PCDHA3: variants seen among roughly 807,000 people sequenced by gnomAD.
PCDHA3 encodes protocadherin alpha 3.
Under a neutral mutation model 62.2 loss-of-function variants are expected in PCDHA3, and 41 were observed. The observed-to-expected ratio is 0.66, with a 90% CI of 0.51 to 0.86. The LOEUF is 0.86. Ranked by LOEUF, PCDHA3 falls within the 40% of genes least tolerant of loss-of-function variation. PCDHA3 has a pLI of 0.00. For missense variants in PCDHA3, 1,304 were observed against 1,241.2 expected, an observed-to-expected ratio of 1.05 and a Z score of -0.76; for synonymous variants, 640 against 555.4, an observed-to-expected ratio of 1.15 and a Z score of -2.14.
chr5:140,813,492 A>G (rs939104206), intron 1 of PCDHA3: 1 of 152,216 alleles, frequency 6.6e-6, no homozygotes, highest in Non-Finnish European at 1.5e-5. Flanking sequence ...TAAACATCTA[A>G]AAGGTACAGT....
intron 1 of PCDHA3, among the ~76,000 whole-genome samples, chr5:140,911,493 A>G (rs1157677496): frequency 6.6e-6 from 1 of 152,168 alleles, no homozygotes; most frequent in African/African-American, 2.4e-5. Context: ...CAATCTTAGC[A>G]GGTTTGAGGT....
At chr5:140,827,439 C>T (rs1581843198) in intron 1 of PCDHA3, among the ~76,000 whole-genome samples, 1 of 152,282 alleles carries the variant, frequency 6.6e-6, no homozygotes, top group South Asian at 2.1e-4. Flanking sequence ...TCCATCATTA[C>T]ACAGAAGAAC....
chr5:140,924,942 GT>G (rs1180985667), intron 1 of PCDHA3, among the ~76,000 whole-genome samples: 3 of 120,862 alleles, frequency 2.5e-5, no homozygotes, highest in African/African-American at 8.7e-5. Context: ...AAAATAAAAA[GT>G]TAAAAAAAAA....
rs1007708043 is a variant in PCDHA3 at position 140,967,271 on chromosome 5, A to G, written c.2395-11678A>G. 3.1e-6 allele frequency: 5 copies of G among 1,613,338 alleles called. No individual in the cohort carries two copies. The South Asian group carries it at 5.5e-5, about 18-fold the overall frequency. On this transcript the variant is annotated intron_variant, in intron 1 of 3. Transcript: ENST00000522353. The stretch of plus-strand genomic sequence containing the variant: ...GGTGGCGCCTGGAGCGCGCTTTCAC[A>G]TAGAGAGTGCGCAGGACCCCGACGT...
At chr5:140,864,927 G>T (rs2048656466) in intron 1 of PCDHA3, 1 of 152,138 alleles carries the variant, frequency 6.6e-6, no homozygotes, top group Non-Finnish European at 1.5e-5. Flanking sequence ...GCTTGGCAGG[G>T]TGTCTCAGGC....
At position 140,829,844 on chromosome 5, in the gene PCDHA3, C is replaced by A. The variant is rs2150175965; in HGVS notation, c.2394+26253C>A. The A allele has an allele frequency of 1.9e-6, 3 of 1,613,922 alleles. No individual in the cohort carries two copies. The Admixed American group carries it at 5.0e-5, about 27-fold the overall frequency. ...AGTGAGCGAGCTGGTGCCGCGGTCA[C>A]TGGGTGCAGGCCAAGTGGTGGCGAA... On this transcript the variant is annotated intron_variant, in intron 1 of 3. Transcript: ENST00000522353.
chr5:140,966,047 T>G (rs1463127286), intron 1 of PCDHA3, among the ~76,000 whole-genome samples: 1 of 152,214 alleles, frequency 6.6e-6, no homozygotes, highest in Admixed American at 6.5e-5. Flanking sequence ...CCATCGCCAG[T>G]AACCCCAGAG....
chr5:141,008,147 G>A (rs782783615), intron 3 of PCDHA3, among the ~76,000 whole-genome samples: 9 of 152,114 alleles, frequency 5.9e-5, no homozygotes, highest in Non-Finnish European at 1.3e-4. Context: ...CTGCTGAGAG[G>A]TTTGATAAGA....
chr5:140,854,159 C>CAAAA (rs59855104), intron 1 of PCDHA3: 33,814 of 339,152 alleles, frequency 0.1, 739 homozygotes, highest in Middle Eastern at 0.12. Flanking sequence ...GATTCTGTCT[C>CAAAA]AAAAAAAAAA....
intron 1 of PCDHA3, chr5:140,863,320 CT>C: frequency 6.9e-7 from 1 of 1,445,292 alleles, no homozygotes; most frequent in South Asian, 1.1e-5. Flanking sequence ...GGTGTCCAGC[CT>C]GTTAGTGCTC....
chr5:140,911,477 T>A (rs1457881834), intron 1 of PCDHA3, among the ~76,000 whole-genome samples: 2 of 152,132 alleles, frequency 1.3e-5, no homozygotes, highest in Non-Finnish European at 2.9e-5. Context: ...AGACTCTCAC[T>A]CAGGGCAATC....
chr5:140,877,260 G>A (rs1329010026), intron 1 of PCDHA3: 3 of 1,613,766 alleles, frequency 1.9e-6, no homozygotes, highest in African/African-American at 2.7e-5. Context: ...AAGTGCGCGC[G>A]GTGGACGCTG....
intron 1 of PCDHA3, chr5:140,841,554 G>A (rs2150318076): frequency 0.54 from 859,933 of 1,603,294 alleles, 234,437 homozygotes; most frequent in African/African-American, 0.71. Context: ...CTGGAGGTAA[G>A]TCTGCAGAAT....
At chr5:140,886,201 T>C (rs1224274096) in intron 1 of PCDHA3, among the ~76,000 whole-genome samples, 2 of 152,140 alleles carry the variant, frequency 1.3e-5, no homozygotes, top group African/African-American at 2.4e-5. Flanking sequence ...AGTAATCTGT[T>C]CTCCATTTCT....
chr5:140,994,637 G>A (rs1355719166), intron 3 of PCDHA3, among the ~76,000 whole-genome samples: 1 of 152,078 alleles, frequency 6.6e-6, no homozygotes, highest in Non-Finnish European at 1.5e-5. Context: ...CCTGGAAGGT[G>A]GAGGTTGCAG....
Position 140,829,599 on chromosome 5 carries a change from C to A in PCDHA3, c.2394+26008C>A, listed in dbSNP as rs1770425263. ...GTGGAGCGGCGGGTGGGCGAGCGCG[C>A]GTTGTCGAGCTACATTTCGGTGCAC... is the stretch of plus-strand genomic sequence containing the variant. On this transcript the variant is annotated intron_variant, in intron 1 of 3. Transcript: ENST00000522353. 15 of 1,612,030 alleles carry A rather than the reference C, an allele frequency of 9.3e-6. No individual in the cohort carries two copies. In the East Asian group the frequency reaches 3.3e-4, roughly 36 times the overall value.
rs781924888 is a variant in PCDHA3, at chr5:140,801,193, T to G, written c.-5T>G. ...AGGCAATCTAATATTTGGAAAATAC[T>G]TGCAATGTTGTTCTCCTGGCGAGAA... On this transcript the variant is annotated 5_prime_UTR_variant, in exon 1 of 4. Transcript: ENST00000522353. The G allele has an allele frequency of 1.3e-6, 2 of 1,586,700 alleles. No homozygotes were observed. The highest frequency in any genetic ancestry group is 1.7e-6 in the Non-Finnish European group (2 of 1,167,346).
chr5:140,883,973 G>A (rs782157297), intron 1 of PCDHA3: 45 of 1,612,722 alleles, frequency 2.8e-5, no homozygotes, highest in Non-Finnish European at 3.5e-5. Flanking sequence ...GCTGACGCCC[G>A]GGGCTGGCAG....
At chr5:140,876,062 G>T in intron 1 of PCDHA3, 1 of 1,613,842 alleles carries the variant, frequency 6.2e-7, no homozygotes, top group Non-Finnish European at 8.5e-7. Context: ...TTAGTTCTTC[G>T]GAAGTTATTG....
Sources: allele counts gnomAD v4.1 joint callset (sites outside exome capture counted in the v4.1 genomes callset), GRCh38; gene constraint gnomAD v4.1.1; transcripts MANE v1.5; gene names NCBI Gene and HGNC (gene_info 2026-07-23, HGNC 2026-07-21).